Variants in TMEM63C observed in about 807,000 individuals in gnomAD.
The protein encoded by TMEM63C is transmembrane protein 63C, also known as osmosensitive cation channel TMEM63C.
In TMEM63C, 32 loss-of-function variants were observed where a neutral mutation model predicts 99.2. That is an observed-to-expected ratio of 0.32 (90% confidence interval 0.24 to 0.43). TMEM63C has a LOEUF of 0.43. Among genes scored for constraint, TMEM63C ranks in the 20% least tolerant of loss-of-function variants. The pLI, the probability that TMEM63C is intolerant of heterozygous loss-of-function variation, is 1.00. For missense variants in TMEM63C, 826 were observed against 1,053.0 expected (o/e 0.78, Z 2.98); for synonymous variants, 376 against 397.9 (o/e 0.94, Z 0.66).
intron 16 of TMEM63C, among the ~76,000 whole-genome samples, chr14:77,245,072 A>G (rs962212594): frequency 2.7e-4 from 41 of 152,350 alleles, no homozygotes; most frequent in African/African-American, 9.6e-4. Flanking sequence ...AAAAGTTCCT[A>G]CTATTCCACC....
intron 2 of TMEM63C, among the ~76,000 whole-genome samples, chr14:77,217,089 G>A (rs987296139): frequency 9.2e-5 from 14 of 152,010 alleles, no homozygotes; most frequent in Admixed American, 7.9e-4. Flanking sequence ...CCAGGAATTG[G>A]AGGCTACAGT....
At position 77,239,402 on chromosome 14, in the gene TMEM63C, G is replaced by A; in HGVS notation, c.726-10G>A. The A allele has an allele frequency of 6.2e-7, 1 of 1,613,394 alleles. No individual in the cohort carries two copies. The highest frequency in any genetic ancestry group is 8.5e-7 in the Non-Finnish European group (1 of 1,179,716). ...ACAGGCCGACTCAGCACCCATGTTT[G>A]TGGCTGCAGCGAGGCCTATCCAGGC... On this transcript the variant is annotated splice_polypyrimidine_tract_variant and intron_variant, in intron 10 of 23. Transcript: ENST00000298351.
intron 1 of TMEM63C, among the ~76,000 whole-genome samples, chr14:77,195,054 G>C (rs1888192934): frequency 6.6e-6 from 1 of 151,992 alleles, no homozygotes; most frequent in South Asian, 2.1e-4. Context: ...AGGCATTGGA[G>C]ACCAGTCTTG....
intron 1 of TMEM63C, among the ~76,000 whole-genome samples, chr14:77,210,219 G>A (rs1402493192): frequency 1.3e-5 from 2 of 152,104 alleles, no homozygotes; most frequent in African/African-American, 4.8e-5. Context: ...GTCTGGGGTG[G>A]AACATGAGTA....
intron 2 of TMEM63C, among the ~76,000 whole-genome samples, chr14:77,218,499 A>T (rs2287375): frequency 0.7 from 106,114 of 152,180 alleles, 37,122 homozygotes; most frequent in Admixed American, 0.74. Flanking sequence ...GTAGAACTGG[A>T]AAAATGCACA....
chr14:77,246,641 T>G lies in TMEM63C; in HGVS notation c.1568T>G (p.Ile523Ser). The change falls in exon 18 of 24, where the codon ATC (isoleucine) becomes AGC (serine). Residue 523 changes from isoleucine (I) to serine (S), a missense_variant. By Grantham distance (142) the Ile-to-Ser change is moderately radical. Coordinates refer to ENST00000298351, the MANE Select transcript of TMEM63C (RefSeq NM_020431.4). ...LDVFLRWLFD[I>S]YYLEQASIRF... ...GTCTTTCTCCGCTGGCTCTTTGACA[T>G]CTACTATCTAGAGCAAGCATCCATC... The G allele has an allele frequency of 6.2e-7, 1 of 1,613,470 alleles. No homozygotes were observed. Among genetic ancestry groups the G allele is most frequent in the Non-Finnish European group, 8.5e-7 (1 of 1,179,694 alleles).
At chr14:77,198,167 C>T (rs954346314) in intron 1 of TMEM63C, among the ~76,000 whole-genome samples, 6 of 152,246 alleles carry the variant, frequency 3.9e-5, no homozygotes, top group South Asian at 2.1e-4. Context: ...AGGCAGCAGA[C>T]GTGACGTCAT....
intron 1 of TMEM63C, among the ~76,000 whole-genome samples, chr14:77,206,390 C>T (rs989669996): frequency 1.3e-5 from 2 of 152,150 alleles, no homozygotes; most frequent in Non-Finnish European, 2.9e-5. Context: ...AGCCACTGAC[C>T]TGGGGTGGAG....
At chr14:77,242,213 A>T in intron 13 of TMEM63C, 134 bp from the exon 14 acceptor site, 1 of 1,003,078 alleles carries the variant, frequency 1.0e-6, no homozygotes, top group Non-Finnish European at 1.5e-6. Flanking sequence ...CAAGGCTTCA[A>T]GAATCCCCAG....
At chr14:77,186,544 A>G (rs1193036015) in intron 1 of TMEM63C, among the ~76,000 whole-genome samples, 2 of 152,082 alleles carry the variant, frequency 1.3e-5, no homozygotes, top group African/African-American at 4.8e-5. Context: ...TCTCTACAAA[A>G]AAGTGAAAAA....
intron 8 of TMEM63C, among the ~76,000 whole-genome samples, chr14:77,234,303 C>A (rs1888997449): frequency 6.6e-6 from 1 of 151,908 alleles, no homozygotes; most frequent in Admixed American, 6.6e-5. Flanking sequence ...TTGGAGCAGA[C>A]TGGCTTAACC....
At position 77,249,469 on chromosome 14, in the gene TMEM63C, A is replaced by G. The variant is rs757055888; in HGVS notation, c.2038+11A>G. ...CCATCCTGCGGTTGGGTAGGTACCA[A>G]GCCAGCCTGGAGACCCCACCTCCAC... On this transcript the variant is annotated intron_variant, in intron 21 of 23. Transcript: ENST00000298351. 5.6e-6 allele frequency: 9 copies of G among 1,613,250 alleles called. No homozygotes were observed. The Admixed American group carries it at 8.4e-5, about 15-fold the overall frequency.
chr14:77,222,062 T>C (rs1888733296), intron 5 of TMEM63C, among the ~76,000 whole-genome samples: 1 of 152,172 alleles, frequency 6.6e-6, no homozygotes, highest in East Asian at 1.9e-4. Context: ...TTGCCATCTC[T>C]ACACATAAAC....
chr14:77,218,837 G>C lies in TMEM63C; in HGVS notation c.24G>C (p.Leu8=). The part of the protein sequence containing the change: MSASPDD[L]STGGRLQNMT... The stretch of plus-strand genomic sequence containing the variant: ...GGATGTCTGCCTCACCAGACGACCT[G>C]AGTACAGGGGGAAGGTTACAGAACA... Residue 8 remains leucine (L), a synonymous_variant, in exon 3 of 24, where the codon CTG becomes CTC. Transcript: ENST00000298351. The C allele has an allele frequency of 1.2e-6, 2 of 1,613,598 alleles. No homozygotes were observed. The highest frequency in any genetic ancestry group is 1.7e-6 in the Non-Finnish European group (2 of 1,179,756).
Position 77,218,855 on chromosome 14 carries a change from A to C in TMEM63C, c.42A>C (p.Leu14Phe). Residue 14 changes from leucine (L) to phenylalanine (F), a missense_variant, in exon 3 of 24, where the codon TTA (leucine) becomes TTC (phenylalanine). By Grantham distance (22) the Leu-to-Phe change is conservative. Coordinates refer to ENST00000298351, the MANE Select transcript of TMEM63C (RefSeq NM_020431.4). ...ACGACCTGAGTACAGGGGGAAGGTT[A>C]CAGAACATGACAGTGGATGAATGCT... ...SPDDLSTGGR[L>F]QNMTVDECFQ... 3 of 1,613,656 alleles carry C rather than the reference A, an allele frequency of 1.9e-6. No homozygotes were observed. Among genetic ancestry groups the C allele is most frequent in the Non-Finnish European group, 2.5e-6 (3 of 1,179,782 alleles).
At chr14:77,254,033 A>C (rs1048354947) in intron 23 of TMEM63C, among the ~76,000 whole-genome samples, 5 of 152,136 alleles carry the variant, frequency 3.3e-5, no homozygotes, top group African/African-American at 1.2e-4. Flanking sequence ...TCCTGGGAGG[A>C]GCTCTGAAGA....
At chr14:77,210,236 T>C (rs1330985213) in intron 1 of TMEM63C, among the ~76,000 whole-genome samples, 2 of 152,144 alleles carry the variant, frequency 1.3e-5, no homozygotes, top group Non-Finnish European at 2.9e-5. Context: ...AGTATCTAGA[T>C]GTACTAAACA....
chr14:77,194,493 T>TTTTCTTTTTCTTTCTTTC (rs1555346130), intron 1 of TMEM63C, among the ~76,000 whole-genome samples: 23 of 48,740 alleles, frequency 4.7e-4, no homozygotes, highest in Admixed American at 1.5e-3. Flanking sequence ...CATATTTCTT[T>TTTTCTTTTTCTTTCTTTC]TTTCTTTCTT....
intron 5 of TMEM63C, among the ~76,000 whole-genome samples, chr14:77,221,780 C>T (rs4390523): frequency 1.3e-4 from 20 of 148,776 alleles, no homozygotes; most frequent in African/African-American, 4.8e-4. Flanking sequence ...TTCCCCCCAC[C>T]GCTAAATCCA....
Sources: gnomAD v4.1 joint callset for allele counts (sites outside exome capture counted in the v4.1 genomes callset) on GRCh38, gnomAD v4.1.1 for gene constraint, MANE v1.5 for transcripts, NCBI Gene and HGNC (gene_info 2026-07-23, HGNC 2026-07-21) for gene names.